Variants in NEGR1 observed in about 807,000 individuals in gnomAD.
NEGR1 encodes neuronal growth regulator 1.
A neutral mutation model predicts 40.9 loss-of-function variants in NEGR1; 10 were observed. The ratio of observed to expected loss-of-function variants is 0.24; its 90% confidence interval spans 0.15 to 0.42. The LOEUF is 0.42. NEGR1 is among the 10% of genes least tolerant of loss of function. The probability of loss-of-function intolerance (pLI) is 1.00; values close to 1 mark genes in which losing one functional copy is unlikely to be tolerated. For synonymous variants in NEGR1, 185 were observed against 166.8 expected (o/e 1.11, Z -0.84); for missense variants, 352 against 438.9 (o/e 0.80, Z 1.77).
intron 1 of NEGR1, among the ~76,000 whole-genome samples, chr1:72,236,499 A>C (rs1486517523): frequency 6.6e-6 from 1 of 152,050 alleles, no homozygotes; most frequent in African/African-American, 2.4e-5. Context: ...AACAATTTTG[A>C]AGTGCCTGTA....
chr1:72,093,442 C>T (rs1648574296), intron 1 of NEGR1, among the ~76,000 whole-genome samples: 1 of 151,868 alleles, frequency 6.6e-6, no homozygotes, highest in South Asian at 2.1e-4. Context: ...TAATTGGCTT[C>T]TGAGTTCTCA....
At chr1:71,781,335 A>G (rs560648518) in intron 2 of NEGR1, among the ~76,000 whole-genome samples, 1 of 152,328 alleles carries the variant, frequency 6.6e-6, no homozygotes, top group African/African-American at 2.4e-5. Flanking sequence ...ATTAACTTGC[A>G]TGACCTGTGA....
chr1:71,761,957 A>C (rs57824444), intron 3 of NEGR1, among the ~76,000 whole-genome samples: 5,115 of 152,152 alleles, frequency 0.034, 241 homozygotes, highest in African/African-American at 0.11. Context: ...GACAGTTAAA[A>C]ACTATAGTAC....
rs563759735 is a variant in NEGR1, at chr1:71,858,562, A to G, written c.409+76517T>C. On this transcript the variant is annotated intron_variant, in intron 2 of 6. Coordinates refer to ENST00000357731, the MANE Select transcript of NEGR1 (RefSeq NM_173808.3). ...TTGAAGAAAAGTAAAGAGAATCTAA[A>G]GGAACTTAGCTGATATTTTCCCCGT... Among the ~76,000 whole-genome samples the G allele has an allele frequency of 9.2e-5, 14 of 152,214 alleles. No homozygotes were observed. The South Asian group carries it at 2.9e-3, about 32-fold the overall frequency.
chr1:71,424,137 A>C (rs1010233294), intron 6 of NEGR1, among the ~76,000 whole-genome samples: 1 of 152,092 alleles, frequency 6.6e-6, no homozygotes, highest in African/African-American at 2.4e-5. Context: ...AATTCTCACC[A>C]TTGAATAGTA....
intron 1 of NEGR1, among the ~76,000 whole-genome samples, chr1:72,199,840 A>C (rs954936850): frequency 1.3e-5 from 2 of 152,026 alleles, no homozygotes; most frequent in Non-Finnish European, 2.9e-5. Context: ...GCACACAAAA[A>C]ACAACCCCAT....
intron 1 of NEGR1, among the ~76,000 whole-genome samples, chr1:72,279,952 G>A (rs1356859994): frequency 6.6e-6 from 1 of 152,154 alleles, no homozygotes; most frequent in African/African-American, 2.4e-5. Context: ...ATTGCTTTGA[G>A]TAAAAGTAAT....
At chr1:72,136,784 A>G (rs1650484662) in intron 1 of NEGR1, among the ~76,000 whole-genome samples, 1 of 152,170 alleles carries the variant, frequency 6.6e-6, no homozygotes, top group African/African-American at 2.4e-5. Context: ...GCACAGCAAA[A>G]GAAACTATCA....
intron 1 of NEGR1, among the ~76,000 whole-genome samples, chr1:71,946,027 G>A (rs1444539672): frequency 6.6e-6 from 1 of 152,004 alleles, no homozygotes; most frequent in African/African-American, 2.4e-5. Flanking sequence ...TGTAAGTAAA[G>A]GGTTACCAAT....
At chr1:71,717,329 T>C (rs1654310969) in intron 3 of NEGR1, among the ~76,000 whole-genome samples, 1 of 152,236 alleles carries the variant, frequency 6.6e-6, no homozygotes. Context: ...CTGTTATGCA[T>C]TGTATGTCTC....
intron 4 of NEGR1, among the ~76,000 whole-genome samples, chr1:71,678,725 TGA>T (rs1332766223): frequency 6.6e-6 from 1 of 152,140 alleles, no homozygotes; most frequent in African/African-American, 2.4e-5. Flanking sequence ...GGCACAGTAT[TGA>T]GAGCAGAGTT....
chr1:71,474,681 G>A (rs1167789389), intron 6 of NEGR1, among the ~76,000 whole-genome samples: 2 of 126,254 alleles, frequency 1.6e-5, no homozygotes, highest in South Asian at 2.6e-4. Flanking sequence ...TTGTACCATT[G>A]CACTCAAGCC....
At chr1:72,192,818 T>C (rs1652863421) in intron 1 of NEGR1, among the ~76,000 whole-genome samples, 1 of 151,906 alleles carries the variant, frequency 6.6e-6, no homozygotes, top group Admixed American at 6.6e-5. Flanking sequence ...CATTAAATGG[T>C]AGGATGGTTC....
chr1:71,660,962 G>A (rs534747463), intron 4 of NEGR1, among the ~76,000 whole-genome samples: 13 of 152,196 alleles, frequency 8.5e-5, no homozygotes, highest in Non-Finnish European at 1.8e-4. Context: ...TTGGTTTTCT[G>A]TTCCTGTGTT....
intron 6 of NEGR1, among the ~76,000 whole-genome samples, chr1:71,495,155 C>T (rs994947439): frequency 6.6e-6 from 1 of 152,068 alleles, no homozygotes; most frequent in Non-Finnish European, 1.5e-5. Flanking sequence ...CAACAGTAAG[C>T]TCTTAGTAAT....
chr1:72,189,023 T>C (rs1393781658), intron 1 of NEGR1, among the ~76,000 whole-genome samples: 1 of 151,518 alleles, frequency 6.6e-6, no homozygotes, highest in African/African-American at 2.4e-5. Context: ...TTGTATTTTG[T>C]AAAAGTAACG....
chr1:72,226,064 G>A (rs1654181618), intron 1 of NEGR1, among the ~76,000 whole-genome samples: 1 of 151,670 alleles, frequency 6.6e-6, no homozygotes, highest in Non-Finnish European at 1.5e-5. Flanking sequence ...AATCGAAATA[G>A]CCATATATAT....
At chr1:72,124,386 A>G (rs571271312) in intron 1 of NEGR1, among the ~76,000 whole-genome samples, 1 of 152,034 alleles carries the variant, frequency 6.6e-6, no homozygotes, top group Admixed American at 6.6e-5. Context: ...AGAGAACTGA[A>G]AAAAAGATCA....
At position 71,834,457 on chromosome 1, in the gene NEGR1, C is replaced by T. The variant is rs574211901; in HGVS notation, c.410-58160G>A. On this transcript the variant is annotated intron_variant, in intron 2 of 6. Transcript: ENST00000357731. ...AGGAGGAATTCACCACCCACCCCCA[C>T]CCCCTGCCAACCATTTTTTTTTCCT... 3.3e-5 allele frequency among the ~76,000 whole-genome samples: 5 copies of T among 151,290 alleles called. No individual in the cohort carries two copies. In the South Asian group the frequency reaches 1.0e-3, roughly 32 times the overall value.
Sources: allele counts gnomAD v4.1 joint callset (sites outside exome capture counted in the v4.1 genomes callset), GRCh38; gene constraint gnomAD v4.1.1; transcripts MANE v1.5; gene names NCBI Gene and HGNC (gene_info 2026-07-23, HGNC 2026-07-21).